Variants in HS6ST3 observed in about 807,000 individuals in gnomAD.
The protein encoded by HS6ST3 is heparan-sulfate 6-O-sulfotransferase 3.
Under a neutral mutation model 36.7 loss-of-function variants are expected in HS6ST3, and 12 were observed. The ratio of observed to expected loss-of-function variants is 0.33; its 90% CI spans 0.21 to 0.53. The LOEUF is 0.53. Ranked by LOEUF, HS6ST3 falls within the 20% of genes least tolerant of loss-of-function variation. The pLI, the probability that HS6ST3 is intolerant of heterozygous loss-of-function variation, is 0.95. For synonymous variants in HS6ST3, 240 were observed against 257.5 expected (o/e 0.93, Z 0.65); for missense variants, 584 against 640.9 (o/e 0.91, Z 0.96).
chr13:96,563,928 C>T (rs1367714423), intron 1 of HS6ST3, among the ~76,000 whole-genome samples: 3 of 152,166 alleles, frequency 2.0e-5, no homozygotes, highest in Admixed American at 2.0e-4. Flanking sequence ...ACCTTCTAGA[C>T]TTTTCTCCCG....
chr13:96,228,424 C>T (rs187047635), intron 1 of HS6ST3, among the ~76,000 whole-genome samples: 5 of 152,220 alleles, frequency 3.3e-5, no homozygotes, highest in Non-Finnish European at 7.4e-5. Context: ...TGCCACCACA[C>T]CCAGCTAATG....
chr13:96,706,536 A>G (rs117673451), intron 1 of HS6ST3, among the ~76,000 whole-genome samples: 7,989 of 150,570 alleles, frequency 0.053, 256 homozygotes, highest in Middle Eastern at 0.079. Context: ...ACAACAACCA[A>G]TGGTCAAGTA....
At chr13:96,215,066 G>A (rs960622667) in intron 1 of HS6ST3, among the ~76,000 whole-genome samples, 1 of 152,268 alleles carries the variant, frequency 6.6e-6, no homozygotes. Context: ...CCACAGGGGT[G>A]TTTAGAAATG....
intron 1 of HS6ST3, among the ~76,000 whole-genome samples, chr13:96,334,077 G>A (rs548337261): frequency 1.3e-5 from 2 of 152,300 alleles, no homozygotes; most frequent in South Asian, 4.1e-4. Flanking sequence ...AGTGACTGTA[G>A]TGCAGATTGA....
At chr13:96,700,365 C>A (rs937384741) in intron 1 of HS6ST3, among the ~76,000 whole-genome samples, 3 of 152,060 alleles carry the variant, frequency 2.0e-5, no homozygotes, top group Admixed American at 6.6e-5. Context: ...CCCCATGATC[C>A]AATTATCTCC....
chr13:96,619,474 G>T (rs555180680), intron 1 of HS6ST3, among the ~76,000 whole-genome samples: 1 of 152,046 alleles, frequency 6.6e-6, no homozygotes, highest in Non-Finnish European at 1.5e-5. Context: ...AGTTGGTTAG[G>T]GAAATTACTA....
At chr13:96,792,834 A>G (rs1877822881) in intron 1 of HS6ST3, among the ~76,000 whole-genome samples, 2 of 152,152 alleles carry the variant, frequency 1.3e-5, no homozygotes, top group African/African-American at 4.8e-5. Flanking sequence ...GCCTCTTGTA[A>G]TGAGAAACTT....
rs79327014 is a variant in HS6ST3, at chr13:96,784,901, C to T, written c.708-47589C>T. On this transcript the variant is annotated intron_variant, in intron 1 of 1. Coordinates refer to ENST00000376705, the MANE Select transcript of HS6ST3 (RefSeq NM_153456.4). ...AAGTTTCTTAGGCTGGGCACAGTGG[C>T]TCACTCCTGCGATCCCAGCACTTTG... is the stretch of plus-strand genomic sequence containing the variant. Among the ~76,000 whole-genome samples, 222 of 152,294 alleles carry T rather than the reference C, an allele frequency of 1.5e-3. 3 individuals carry two copies. The East Asian group carries it at 0.026, about 18-fold the overall frequency.
chr13:96,532,026 A>G (rs2056137594), intron 1 of HS6ST3, among the ~76,000 whole-genome samples: 1 of 152,182 alleles, frequency 6.6e-6, no homozygotes. Flanking sequence ...GACAAGTAAC[A>G]GCAGGCCATC....
chr13:96,163,825 C>T (rs2054148663), intron 1 of HS6ST3, among the ~76,000 whole-genome samples: 1 of 152,058 alleles, frequency 6.6e-6, no homozygotes. Context: ...CTGAATCTGC[C>T]AGTGTTGACA....
intron 1 of HS6ST3, among the ~76,000 whole-genome samples, chr13:96,627,610 T>C (rs1244599244): frequency 1.3e-5 from 2 of 152,014 alleles, no homozygotes; most frequent in African/African-American, 4.8e-5. Context: ...TTTTATTTCT[T>C]GAATATTTAT....
chr13:96,817,003 C>T (rs1213143664), intron 1 of HS6ST3, among the ~76,000 whole-genome samples: 5 of 152,106 alleles, frequency 3.3e-5, no homozygotes, highest in East Asian at 1.9e-4. Flanking sequence ...AAAATTAAAA[C>T]GCCCTCTTGA....
intron 1 of HS6ST3, among the ~76,000 whole-genome samples, chr13:96,402,679 T>G (rs1382611193): frequency 6.6e-6 from 1 of 152,262 alleles, no homozygotes; most frequent in East Asian, 1.9e-4. Context: ...ATAAAGTGCA[T>G]GTTCTTTTGT....
intron 1 of HS6ST3, among the ~76,000 whole-genome samples, chr13:96,196,369 TCTC>T (rs1174049210): frequency 6.6e-6 from 1 of 152,122 alleles, no homozygotes; most frequent in East Asian, 1.9e-4. Flanking sequence ...TTGACGGGCA[TCTC>T]CTAAGTGTCT....
intron 1 of HS6ST3, among the ~76,000 whole-genome samples, chr13:96,747,618 AT>A (rs1394149263): frequency 2.0e-5 from 3 of 152,082 alleles, no homozygotes; most frequent in Non-Finnish European, 4.4e-5. Context: ...ATCCCATTAT[AT>A]TATGCAGTGT....
Position 96,386,955 on chromosome 13 carries a change from G to T in HS6ST3, c.707+295386G>T, listed in dbSNP as rs539587447. 2.6e-5 allele frequency among the ~76,000 whole-genome samples: 4 copies of T among 152,136 alleles called. No homozygotes were observed. The South Asian group carries it at 6.2e-4, about 24-fold the overall frequency. On this transcript the variant is annotated intron_variant, in intron 1 of 1. Coordinates refer to ENST00000376705, the MANE Select transcript of HS6ST3 (RefSeq NM_153456.4). ...TCTCTCTCTTTTTTTTGGAAACAGG[G>T]TCTTATTCTGTTGTCCAGGCTGGAG... is the stretch of plus-strand genomic sequence containing the variant.
At chr13:96,740,002 C>G (rs776747274) in intron 1 of HS6ST3, among the ~76,000 whole-genome samples, 27 of 152,168 alleles carry the variant, frequency 1.8e-4, no homozygotes, top group Admixed American at 6.5e-4. Flanking sequence ...GTCACTGTGT[C>G]CATGAGACAC....
At chr13:96,648,437 T>C (rs2056596240) in intron 1 of HS6ST3, among the ~76,000 whole-genome samples, 1 of 151,894 alleles carries the variant, frequency 6.6e-6, no homozygotes, top group Admixed American at 6.6e-5. Flanking sequence ...TTTCATCTTG[T>C]CTCATGAGTT....
intron 1 of HS6ST3, among the ~76,000 whole-genome samples, chr13:96,721,265 G>T (rs200501883): frequency 6.6e-6 from 1 of 152,054 alleles, no homozygotes; most frequent in East Asian, 1.9e-4. Context: ...TCTACTTAAT[G>T]ACCTCATATT....
Sources: allele counts gnomAD v4.1 joint callset (sites outside exome capture counted in the v4.1 genomes callset), GRCh38; gene constraint gnomAD v4.1.1; transcripts MANE v1.5; gene names NCBI Gene and HGNC (gene_info 2026-07-23, HGNC 2026-07-21).